Variants in DOCK10 observed in about 807,000 individuals in gnomAD.
DOCK10 encodes dedicator of cytokinesis 10.
DOCK10 carries 145 observed loss-of-function variants against 280.1 expected under a neutral mutation model. The observed-to-expected ratio is 0.52, with a 90% CI of 0.45 to 0.59. The LOEUF (loss-of-function observed/expected upper bound fraction) is 0.59, where lower values mean the gene tolerates loss of function less well. DOCK10 is among the 20% of genes least tolerant of loss of function. The pLI is 0.00. For synonymous variants in DOCK10, 915 were observed against 942.2 expected, an observed-to-expected ratio of 0.97 and a Z score of 0.53; for missense variants, 2,368 against 2,651.7, an observed-to-expected ratio of 0.89 and a Z score of 2.35.
Position 224,830,573 on chromosome 2 carries a change from C to A in DOCK10, c.3004G>T (p.Ala1002Ser). 6.5e-7 allele frequency: 1 copy of A among 1,533,914 alleles called. No homozygotes were observed. The highest frequency in any genetic ancestry group is 8.8e-7 in the Non-Finnish European group (1 of 1,132,592). ...FFFAIILKSM[A>S]QHLIDTNKIQ... ...TTATTTGTGTCAATCAAGTGCTGTG[C>A]CATCGATTTTAGGATAATTGCAAAG... The change falls in exon 27 of 56, where the codon GCA (alanine) becomes TCA (serine). Residue 1002 changes from alanine (A) to serine (S), a missense_variant. Physicochemically the swap from Ala to Ser is moderately conservative, Grantham distance 99. Coordinates refer to ENST00000258390, the MANE Select transcript of DOCK10 (RefSeq NM_014689.3).
chr2:225,042,308 G>T lies in DOCK10; in HGVS notation c.67C>A (p.Arg23=). ...GCGGCGGCGGACGCGGCGCTGTGCCGGAGCTCGGCCGCCTGCCCAGGTCTC... is the reference window on the plus strand; with the variant it reads ...GCGGCGGCGGACGCGGCGCTGTGCCTGAGCTCGGCCGCCTGCCCAGGTCTC... ...LLRPGQAAEL[R]HSAASAAAVA... is the part of the protein sequence containing the mutation. Residue 23 remains arginine, a synonymous_variant, in exon 1 of 56, where the codon CGG becomes AGG. Coordinates refer to ENST00000258390, the MANE Select transcript of DOCK10 (RefSeq NM_014689.3). This position sits in a 1 kb window ranked among gnomAD's most constrained non-coding sequence, Gnocchi z 5.1. 1.5e-6 allele frequency: 2 copies of T among 1,355,932 alleles called. No homozygotes were observed. The highest frequency in any genetic ancestry group is 1.8e-5 in the South Asian group (1 of 55,800). 84.0% of individuals were successfully genotyped at this position (1,355,932 alleles called of 1,614,324 possible). A position where few individuals can be genotyped will look rare whatever the true frequency, so the allele number is the denominator to read the frequency against.
At chr2:224,769,113 A>T (rs1690248165) in intron 55 of DOCK10, among the ~76,000 whole-genome samples, 1 of 152,184 alleles carries the variant, frequency 6.6e-6, no homozygotes, top group Non-Finnish European at 1.5e-5. Flanking sequence ...CTATCAAGTC[A>T]TCTCTCCTGA....
chr2:224,898,701 G>A (rs1470717216), intron 3 of DOCK10, among the ~76,000 whole-genome samples: 6 of 152,024 alleles, frequency 3.9e-5, no homozygotes, highest in African/African-American at 1.4e-4. Flanking sequence ...CTCCGCCTCC[G>A]GAGTAGCCAG....
At chr2:224,850,526 G>A (rs1696661681) in intron 18 of DOCK10, among the ~76,000 whole-genome samples, 1 of 152,158 alleles carries the variant, frequency 6.6e-6, no homozygotes, top group Non-Finnish European at 1.5e-5. Flanking sequence ...GTATCACCTG[G>A]ACCAATCTGA....
At chr2:225,016,155 G>A (rs1350927385) in intron 1 of DOCK10, among the ~76,000 whole-genome samples, 4 of 152,162 alleles carry the variant, frequency 2.6e-5, no homozygotes, top group Admixed American at 6.5e-5. Flanking sequence ...TGGTGAGCAG[G>A]TTTGTCACTA....
At position 224,896,298 on chromosome 2, in the gene DOCK10, G is replaced by A. The variant is rs371100872; in HGVS notation, c.413C>T (p.Pro138Leu). The change falls in exon 4 of 56, where the codon CCC (proline) becomes CTC (leucine). Residue 138 changes from proline to leucine, a missense_variant. By Grantham distance (98) the Pro-to-Leu change is moderately conservative. Transcript: ENST00000258390. ...AGTGCTCATAACAGGTTCTTACCGG[G>A]GTAGCTGTCGAATGTCTCCAGAATA... is the stretch of plus-strand genomic sequence containing the variant. ...EQYSGDIRQL[P>L]RAEYKPEKLP... 1.6e-5 allele frequency: 25 copies of A among 1,584,524 alleles called. No individual in the cohort carries two copies. Among genetic ancestry groups the A allele is most frequent in the Admixed American group, 5.1e-5 (3 of 59,112 alleles).
chr2:224,859,605 T>C (rs189025688), intron 14 of DOCK10, among the ~76,000 whole-genome samples: 394 of 152,234 alleles, frequency 2.6e-3, no homozygotes, highest in African/African-American at 9.2e-3. Context: ...CATACTGCAG[T>C]GGGTGGGATG....
intron 1 of DOCK10, among the ~76,000 whole-genome samples, chr2:224,991,656 C>G (rs985347728): frequency 4.6e-5 from 7 of 152,112 alleles, no homozygotes; most frequent in Admixed American, 2.6e-4. Flanking sequence ...TCCTTGACTT[C>G]TCTTCACCAG....
rs750424506 is a variant in DOCK10 at position 224,823,615 on chromosome 2, G to A, written c.3069C>T (p.Tyr1023=). 9 of 1,602,608 alleles carry A rather than the reference G, an allele frequency of 5.6e-6. No individual in the cohort carries two copies. Among genetic ancestry groups the A allele is most frequent in the Middle Eastern group, 1.7e-4 (1 of 6,044 alleles). ...TGACAAGATTGTCCAATTCATTTTG[G>A]TAAGATTCAGGAAATCTCTGAGGCC... ...LPRPQRFPES[Y]QNELDNLVMV... Residue 1023 remains tyrosine, a synonymous_variant, in exon 28 of 56, where the codon TAC becomes TAT. Coordinates refer to ENST00000258390, the MANE Select transcript of DOCK10 (RefSeq NM_014689.3).
chr2:224,886,983 G>T, intron 4 of DOCK10, among the ~76,000 whole-genome samples: 1 of 151,654 alleles, frequency 6.6e-6, no homozygotes. Flanking sequence ...GGCTGGTCTT[G>T]AACTCCTGGC....
chr2:225,027,672 C>T (rs977076048), intron 1 of DOCK10, among the ~76,000 whole-genome samples: 2 of 152,146 alleles, frequency 1.3e-5, no homozygotes, highest in Admixed American at 1.3e-4. Context: ...TTGCCTTCCT[C>T]CATGATTAAA....
Position 224,915,436 on chromosome 2 carries a change from C to A in DOCK10, c.333+1259G>T, listed in dbSNP as rs78395103. On this transcript the variant is annotated intron_variant, in intron 3 of 55. Transcript: ENST00000258390. The stretch of plus-strand genomic sequence containing the variant: ...TATCTCCTTAAAAGGTATTGTAATG[C>A]AATGTGAACTTTGGGAAATACATTC... 4.0e-5 allele frequency among the ~76,000 whole-genome samples: 6 copies of A among 151,864 alleles called. No homozygotes were observed. In the East Asian group the frequency reaches 1.2e-3, roughly 29 times the overall value.
Position 224,769,035 on chromosome 2 carries a change from C to G in DOCK10, c.6444+1176G>C, listed in dbSNP as rs976918793. 9.7e-6 allele frequency: 4 copies of G among 413,910 alleles called. No homozygotes were observed. In the Admixed American group the frequency reaches 1.2e-4, roughly 13 times the overall value. 25.6% of individuals were successfully genotyped at this position (413,910 alleles called of 1,614,324 possible). ...TTGGAGACAAGCATTCCTTCACCAC[C>G]TTCCCGAACTTTCAGATCCATCATT... On this transcript the variant is annotated intron_variant, in intron 55 of 55. Transcript: ENST00000258390.
Position 224,888,648 on chromosome 2 carries a change from AAT to A in DOCK10, c.417-2119_417-2118del, listed in dbSNP as rs575096308. ...ATATATGTGTGTATATATTTATGTGAATATATGTGTGTGCATGTATATATGTG... is the reference window on the plus strand; with the variant it reads ...ATATATGTGTGTATATATTTATGTGAATATGTGTGTGCATGTATATATGTG... On this transcript the variant is annotated intron_variant, in intron 4 of 55. Transcript: ENST00000258390. Among the ~76,000 whole-genome samples, 320 of 151,092 alleles carry A rather than the reference AAT, an allele frequency of 2.1e-3. 1 individual carries two copies. The highest frequency in any genetic ancestry group is 6.9e-3 in the African/African-American group (282 of 41,138).
At chr2:224,851,760 A>G (rs1696758490) in intron 18 of DOCK10, among the ~76,000 whole-genome samples, 2 of 152,182 alleles carry the variant, frequency 1.3e-5, no homozygotes, top group Admixed American at 1.3e-4. Context: ...AAATCCCTAA[A>G]ATAAAAACCA....
intron 1 of DOCK10, among the ~76,000 whole-genome samples, chr2:225,008,035 A>C (rs1048993195): frequency 3.3e-5 from 5 of 152,168 alleles, no homozygotes; most frequent in Non-Finnish European, 7.3e-5. Flanking sequence ...CTCAAATGTC[A>C]CCCAAAGGAG....
At chr2:224,788,619 T>C (rs1347028769) in intron 48 of DOCK10, among the ~76,000 whole-genome samples, 1 of 152,182 alleles carries the variant, frequency 6.6e-6, no homozygotes, top group Non-Finnish European at 1.5e-5. Flanking sequence ...TGCTAAGTAA[T>C]TCTCAGTAGA....
chr2:224,818,173 G>T (rs909802731), intron 29 of DOCK10, among the ~76,000 whole-genome samples: 1 of 152,138 alleles, frequency 6.6e-6, no homozygotes, highest in Non-Finnish European at 1.5e-5. Context: ...CAGGCCCCAC[G>T]TAACGTTTTG....
chr2:224,813,191 A>G (rs1363338929), intron 31 of DOCK10, among the ~76,000 whole-genome samples: 1 of 152,110 alleles, frequency 6.6e-6, no homozygotes, highest in Non-Finnish European at 1.5e-5. Flanking sequence ...CACCTTAAAT[A>G]TACAAAATTT....
Sources: gnomAD v4.1 joint callset for allele counts (sites outside exome capture counted in the v4.1 genomes callset) on GRCh38, gnomAD v4.1.1 for gene constraint, Gnocchi (gnomAD v3.1) non-coding constraint, MANE v1.5 for transcripts, NCBI Gene and HGNC (gene_info 2026-07-23, HGNC 2026-07-21) for gene names.